MYOCD: variants seen among roughly 807,000 people sequenced by gnomAD.
MYOCD encodes myocardin.
Under a neutral mutation model 96.1 loss-of-function variants are expected in MYOCD, and 32 were observed. That is an observed-to-expected ratio of 0.33 (90% CI 0.25 to 0.45). The LOEUF is 0.45. MYOCD is among the 20% of genes least tolerant of loss of function. The probability of loss-of-function intolerance (pLI) is 1.00; values close to 1 mark genes in which losing one functional copy is unlikely to be tolerated. For synonymous variants in MYOCD, 469 were observed against 469.0 expected (o/e 1.00, Z 0.00); for missense variants, 1,133 against 1,200.6 (o/e 0.94, Z 0.83).
intron 1 of MYOCD, among the ~76,000 whole-genome samples, chr17:12,680,774 C>T (rs530712507): frequency 5.9e-4 from 90 of 152,302 alleles, no homozygotes; most frequent in African/African-American, 2.1e-3. Context: ...TTCTGTACTT[C>T]AGGGACCTGT....
intron 1 of MYOCD, among the ~76,000 whole-genome samples, chr17:12,676,373 T>C (rs1440090972): frequency 2.0e-5 from 3 of 151,244 alleles, no homozygotes; most frequent in African/African-American, 7.3e-5. Context: ...AAGTTGAGAA[T>C]CAAAACATAC....
At chr17:12,754,269 T>TA (rs766950620) in intron 10 of MYOCD, among the ~76,000 whole-genome samples, 19 of 151,796 alleles carry the variant, frequency 1.3e-4, no homozygotes, top group Non-Finnish European at 2.5e-4. Flanking sequence ...CATGCCTGGC[T>TA]ATTTTTGTAT....
At chr17:12,710,744 C>T (rs771025698) in intron 2 of MYOCD, among the ~76,000 whole-genome samples, 45 of 152,080 alleles carry the variant, frequency 3.0e-4, no homozygotes, top group Non-Finnish European at 5.3e-4. Flanking sequence ...CAGTACACGG[C>T]GCAAGGGAAT....
intron 11 of MYOCD, 95 bp downstream of exon 11, chr17:12,756,652 C>A: frequency 9.5e-7 from 1 of 1,052,696 alleles, no homozygotes. Context: ...GCCGAGATCG[C>A]ACCACTGCAC....
intron 10 of MYOCD, among the ~76,000 whole-genome samples, chr17:12,755,201 CT>C (rs1199781333): frequency 1.3e-5 from 2 of 152,198 alleles, no homozygotes; most frequent in Non-Finnish European, 2.9e-5. Context: ...AAAAATAGCT[CT>C]TGAGACACAG....
chr17:12,738,917 C>T (rs1268526626), intron 6 of MYOCD, among the ~76,000 whole-genome samples: 1 of 151,676 alleles, frequency 6.6e-6, no homozygotes, highest in East Asian at 1.9e-4. Context: ...TTCCCTTTCT[C>T]TCTCAAAAGT....
At chr17:12,720,564 A>T (rs1326000444) in intron 4 of MYOCD, 1 of 152,194 alleles carries the variant, frequency 6.6e-6, no homozygotes, top group Non-Finnish European at 1.5e-5. Context: ...GACAATGTTT[A>T]GGAAAAAGAG....
intron 1 of MYOCD, among the ~76,000 whole-genome samples, chr17:12,682,016 A>T (rs915547380): frequency 1.3e-5 from 2 of 152,086 alleles, no homozygotes; most frequent in African/African-American, 4.8e-5. Flanking sequence ...TCCACACAAA[A>T]ATCATCCCTG....
chr17:12,732,692 G>T (rs1272798003), intron 5 of MYOCD, among the ~76,000 whole-genome samples: 1 of 152,196 alleles, frequency 6.6e-6, no homozygotes, highest in Admixed American at 6.5e-5. Flanking sequence ...CAGCCCTGGG[G>T]AAAGGGGGAT....
Position 12,768,195 on chromosome 17 carries a change from A to G in MYOCD, c.*4551A>G, listed in dbSNP as rs2033389764. The G allele has an allele frequency of 6.6e-6, 1 of 152,174 alleles. No homozygotes were observed. The highest frequency in any genetic ancestry group is 1.5e-5 in the Non-Finnish European group (1 of 68,046). The allele number at this position is 152,174 out of a possible 1,614,324, so 9.4% of individuals were successfully genotyped here. A position where few individuals can be genotyped will look rare whatever the true frequency, so the allele number is the denominator to read the frequency against. ...CACAGAGCCCAGGTCCTGGAACAAG[A>G]CAATCCTGTAGTGCCAAGATCTGGT... On this transcript the variant is annotated 3_prime_UTR_variant, in exon 14 of 14. Transcript: ENST00000425538.
At position 12,743,999 on chromosome 17, in the gene MYOCD, A is replaced by G. The variant is rs190957430; in HGVS notation, c.718-184A>G. Among the ~76,000 whole-genome samples, 69 of 152,316 alleles carry G rather than the reference A, an allele frequency of 4.5e-4. No individual in the cohort carries two copies. In the East Asian group the frequency reaches 6.2e-3, roughly 14 times the overall value. ...TGTCCTTCCAGTGTGATACATTTGC[A>G]ATGGATTTGTTCATTAGCAACGTTA... On this transcript the variant is annotated intron_variant, in intron 7 of 13. Coordinates refer to ENST00000425538, the MANE Select transcript of MYOCD (RefSeq NM_001146312.3).
At chr17:12,671,689 CAGTT>C (rs1909718570) in intron 1 of MYOCD, among the ~76,000 whole-genome samples, 1 of 152,112 alleles carries the variant, frequency 6.6e-6, no homozygotes, top group Non-Finnish European at 1.5e-5. Context: ...GTGACAGAAA[CAGTT>C]AGCAAGATTG....
intron 1 of MYOCD, among the ~76,000 whole-genome samples, chr17:12,687,324 T>C (rs2030175862): frequency 6.6e-6 from 1 of 152,152 alleles, no homozygotes; most frequent in Non-Finnish European, 1.5e-5. Flanking sequence ...TATTATTATT[T>C]TGATGTGTTG....
At chr17:12,760,287 T>A (rs946257161) in intron 12 of MYOCD, 11 of 284,696 alleles carry the variant, frequency 3.9e-5, no homozygotes, top group South Asian at 2.1e-4. Context: ...TATGAGGGAC[T>A]TAGATAGAAT....
chr17:12,672,654 T>G (rs1267094979), intron 1 of MYOCD, among the ~76,000 whole-genome samples: 1 of 152,214 alleles, frequency 6.6e-6, no homozygotes, highest in Non-Finnish European at 1.5e-5. Context: ...TGAGGGAAGA[T>G]AAGTTCTTTC....
rs1305131004 is a variant in MYOCD, at chr17:12,766,188, C to G, written c.*2544C>G. 6.6e-6 allele frequency: 1 copy of G among 152,154 alleles called. No homozygotes were observed. The highest frequency in any genetic ancestry group is 2.4e-5 in the African/African-American group (1 of 41,436). The allele number at this position is 152,154 out of a possible 1,614,324, so 9.4% of individuals were successfully genotyped here. On this transcript the variant is annotated 3_prime_UTR_variant, in exon 14 of 14. Transcript: ENST00000425538. ...TCTTCCCCTTACTTCCTTTGGAAAA[C>G]AAACTCACACAGTGCCCCTACTCTG...
intron 2 of MYOCD, chr17:12,710,586 C>T (rs1040860224): frequency 9.5e-5 from 78 of 822,534 alleles, no homozygotes; most frequent in Middle Eastern, 6.2e-4. Context: ...GAAGAATGAC[C>T]GGGGCAATTC....
chr17:12,690,488 A>C (rs572208496), intron 1 of MYOCD, among the ~76,000 whole-genome samples: 25 of 152,308 alleles, frequency 1.6e-4, no homozygotes, highest in African/African-American at 5.1e-4. Flanking sequence ...AGCATAATGA[A>C]ATATTATGTG....
chr17:12,714,030 A>G (rs1036715563), intron 2 of MYOCD, among the ~76,000 whole-genome samples: 1 of 152,156 alleles, frequency 6.6e-6, no homozygotes, highest in African/African-American at 2.4e-5. Flanking sequence ...GAAGTCTCTT[A>G]ATCTTTGGTC....
Sources: allele counts gnomAD v4.1 joint callset (sites outside exome capture counted in the v4.1 genomes callset), GRCh38; gene constraint gnomAD v4.1.1; transcripts MANE v1.5; gene names NCBI Gene and HGNC (gene_info 2026-07-23, HGNC 2026-07-21).